The following SFMBT2 variants were observed in gnomAD, a reference collection of about 807,000 sequenced individuals.
The protein encoded by SFMBT2 is scm-like with four MBT domains protein 2.
A neutral mutation model predicts 110.1 loss-of-function variants in SFMBT2; 38 were observed. The ratio of observed to expected loss-of-function variants is 0.35; its 90% confidence interval spans 0.27 to 0.45. The LOEUF (loss-of-function observed/expected upper bound fraction) is 0.45, where lower values mean the gene tolerates loss of function less well. Among genes scored for constraint, SFMBT2 ranks in the 20% least tolerant of loss-of-function variants. The pLI, the probability that SFMBT2 is intolerant of heterozygous loss-of-function variation, is 1.00. For synonymous variants in SFMBT2, 425 were observed against 425.4 expected (o/e 1.00, Z 0.01); for missense variants, 1,011 against 1,094.9 (o/e 0.92, Z 1.08).
At chr10:7,335,394 G>A (rs1253632594) in intron 4 of SFMBT2, among the ~76,000 whole-genome samples, 1 of 152,150 alleles carries the variant, frequency 6.6e-6, no homozygotes. Context: ...ATCAAATGCA[G>A]ACGCAGCTCA....
At chr10:7,210,925 G>A (rs371072659) in intron 11 of SFMBT2, among the ~76,000 whole-genome samples, 6 of 152,008 alleles carry the variant, frequency 3.9e-5, no homozygotes, top group Non-Finnish European at 8.8e-5. Context: ...TATGGGGGGG[G>A]TGTGGGGAGG....
intron 15 of SFMBT2, chr10:7,189,029 C>A: frequency 1.9e-6 from 1 of 515,354 alleles, no homozygotes; most frequent in Non-Finnish European, 2.5e-6. Flanking sequence ...AAAAGCTGAA[C>A]CATTTTCACC....
At chr10:7,255,627 C>G (rs565505021) in intron 7 of SFMBT2, among the ~76,000 whole-genome samples, 1 of 152,326 alleles carries the variant, frequency 6.6e-6, no homozygotes, top group Non-Finnish European at 1.5e-5. Flanking sequence ...GGCAATGTCT[C>G]TTCAGGGAAC....
intron 4 of SFMBT2, chr10:7,320,502 G>A: frequency 5.6e-6 from 4 of 712,516 alleles, no homozygotes; most frequent in Non-Finnish European, 6.9e-6. Context: ...TTTTTTCCTG[G>A]AGAATCACTG....
chr10:7,363,605 C>T (rs915461310), intron 4 of SFMBT2, among the ~76,000 whole-genome samples: 3 of 152,174 alleles, frequency 2.0e-5, no homozygotes, highest in Non-Finnish European at 4.4e-5. Flanking sequence ...ATCGGCCTCC[C>T]AAAGTGCTGT....
intron 8 of SFMBT2, 32 bp downstream of exon 8, chr10:7,248,516 G>A (rs1330197763): frequency 1.9e-6 from 3 of 1,566,302 alleles, no homozygotes; most frequent in Middle Eastern, 1.7e-4. Context: ...CACTCTAGGG[G>A]CTGGGTCGAA....
At chr10:7,410,316 C>G (rs1846337666) in intron 1 of SFMBT2, among the ~76,000 whole-genome samples, 1 of 152,390 alleles carries the variant, frequency 6.6e-6, no homozygotes, top group Non-Finnish European at 1.5e-5. Flanking sequence ...ACCCCCATGC[C>G]GGTCTCCGAT....
intron 6 of SFMBT2, among the ~76,000 whole-genome samples, chr10:7,282,429 C>T (rs1355111403): frequency 6.6e-6 from 1 of 152,184 alleles, no homozygotes; most frequent in African/African-American, 2.4e-5. Flanking sequence ...CAATTAGATA[C>T]TAAGCAGAGA....
intron 4 of SFMBT2, among the ~76,000 whole-genome samples, chr10:7,349,493 T>A (rs1025439576): frequency 7.1e-6 from 1 of 140,570 alleles, no homozygotes; most frequent in Non-Finnish European, 1.5e-5. Flanking sequence ...GTTTTGCTCT[T>A]GTCTCCCAGG....
At chr10:7,379,990 G>A (rs933671440) in intron 2 of SFMBT2, among the ~76,000 whole-genome samples, 10 of 152,120 alleles carry the variant, frequency 6.6e-5, no homozygotes, top group African/African-American at 2.4e-4. Flanking sequence ...ATACACAGTT[G>A]GTGTTTAAAC....
rs41290257 is a variant in SFMBT2, at chr10:7,164,218, C to T, written c.2545-308G>A. ...TCTGGGTAACACGGTGAGATACGGT[C>T]TCTACAAAAAATTTAAAAATTAGCT... On this transcript the variant is annotated intron_variant, in intron 20 of 20. Coordinates refer to ENST00000397167, the MANE Select transcript of SFMBT2 (RefSeq NM_001387889.1). 2.0e-3 allele frequency: 1,552 copies of T among 773,468 alleles called. 2 individuals are homozygous for T. Among genetic ancestry groups the T allele is most frequent in the Non-Finnish European group, 2.3e-3 (1,479 of 636,736 alleles). 47.9% of individuals were successfully genotyped at this position (773,468 alleles called of 1,614,324 possible).
At chr10:7,375,616 G>A (rs1270735997) in intron 2 of SFMBT2, among the ~76,000 whole-genome samples, 2 of 152,044 alleles carry the variant, frequency 1.3e-5, no homozygotes, top group Non-Finnish European at 2.9e-5. Flanking sequence ...GAAAGGAACC[G>A]TGGCCACCTG....
chr10:7,262,143 G>A (rs1841224714), intron 7 of SFMBT2, among the ~76,000 whole-genome samples: 1 of 143,994 alleles, frequency 6.9e-6, no homozygotes, highest in African/African-American at 2.4e-5. Flanking sequence ...CTTTACATCA[G>A]GTTTCTCCCT....
rs974534175 is a variant in SFMBT2 at position 7,301,564 on chromosome 10, C to G, written c.437-15610G>C. ...CCACTGAGACAGTGGGGGCAGGTCC[C>G]CGGGGCCGGCAAATTCGCGGAACAC... On this transcript the variant is annotated intron_variant, in intron 4 of 20. Coordinates refer to ENST00000397167, the MANE Select transcript of SFMBT2 (RefSeq NM_001387889.1). The surrounding 1 kb of genome is among the most constrained non-coding windows in gnomAD (Gnocchi z 4.2). 6.6e-6 allele frequency among the ~76,000 whole-genome samples: 1 copy of G among 152,214 alleles called. No individual in the cohort carries two copies. The highest frequency in any genetic ancestry group is 1.5e-5 in the Non-Finnish European group (1 of 68,030).
intron 1 of SFMBT2, among the ~76,000 whole-genome samples, chr10:7,397,270 A>G (rs978966365): frequency 1.3e-5 from 2 of 152,158 alleles, no homozygotes; most frequent in Admixed American, 6.5e-5. Flanking sequence ...TCTGCCTTCA[A>G]GAGGTCCAAG....
At chr10:7,239,900 C>A (rs1182028823) in intron 9 of SFMBT2, among the ~76,000 whole-genome samples, 1 of 146,260 alleles carries the variant, frequency 6.8e-6, no homozygotes, top group Non-Finnish European at 1.5e-5. Context: ...ACCCGACACC[C>A]CTGCACCCCT....
In SFMBT2 at chr10:7,172,490, C is replaced by G; in HGVS notation, c.2151+5G>C. 1 of 1,613,578 alleles carries G rather than the reference C, an allele frequency of 6.2e-7. No individual in the cohort carries two copies. Among genetic ancestry groups the G allele is most frequent in the Non-Finnish European group, 8.5e-7 (1 of 1,180,034 alleles). The stretch of plus-strand genomic sequence containing the variant: ...AGGCTGGCAGGTGCCCCGGGCAGAA[C>G]ATACCTCCCCCGAGCCCGCGGTGAA... On this transcript the variant is annotated splice_donor_5th_base_variant and intron_variant, in intron 18 of 20. Transcript: ENST00000397167. The surrounding 1 kb of genome is among the most constrained non-coding windows in gnomAD (Gnocchi z 4.6).
intron 7 of SFMBT2, among the ~76,000 whole-genome samples, chr10:7,271,415 G>A (rs1459749483): frequency 2.0e-5 from 3 of 152,004 alleles, no homozygotes; most frequent in Non-Finnish European, 4.4e-5. Flanking sequence ...TCTAAGAATG[G>A]ACAGGAAAGA....
intron 11 of SFMBT2, chr10:7,215,584 C>G (rs918988732): frequency 2.1e-5 from 21 of 985,312 alleles, no homozygotes; most frequent in African/African-American, 1.0e-4. Flanking sequence ...GGAATCCCTC[C>G]CTAGGCAATC....
Sources: allele counts gnomAD v4.1 joint callset (sites outside exome capture counted in the v4.1 genomes callset), GRCh38; gene constraint gnomAD v4.1.1; non-coding constraint Gnocchi (gnomAD v3.1); transcripts MANE v1.5; gene names NCBI Gene and HGNC (gene_info 2026-07-23, HGNC 2026-07-21).